Variants in BBS9 observed in about 807,000 individuals in gnomAD.
The protein encoded by BBS9 is protein PTHB1.
A neutral mutation model predicts 117.7 loss-of-function variants in BBS9; 89 were observed. The observed-to-expected ratio is 0.76, with a 90% CI of 0.64 to 0.90. The LOEUF is 0.90. BBS9 is among the 40% of genes least tolerant of loss of function. BBS9 has a pLI of 0.00. For synonymous variants in BBS9, 379 were observed against 370.9 expected, an observed-to-expected ratio of 1.02 and a Z score of -0.25; for missense variants, 982 against 1,042.2, an observed-to-expected ratio of 0.94 and a Z score of 0.80.
At chr7:33,241,021 C>T (rs112195562) in intron 5 of BBS9, among the ~76,000 whole-genome samples, 7 of 151,898 alleles carry the variant, frequency 4.6e-5, no homozygotes, top group Non-Finnish European at 7.4e-5. Flanking sequence ...ACAACCATTA[C>T]GAGGGAAAAG....
intron 9 of BBS9, among the ~76,000 whole-genome samples, chr7:33,286,715 C>T (rs555507636): frequency 3.0e-4 from 45 of 152,118 alleles, no homozygotes; most frequent in African/African-American, 7.9e-4. Context: ...AGTTTATATG[C>T]GGCTAAGCTC....
intron 5 of BBS9, among the ~76,000 whole-genome samples, chr7:33,181,186 A>C (rs1002911294): frequency 3.9e-5 from 6 of 152,164 alleles, no homozygotes; most frequent in African/African-American, 1.4e-4. Context: ...CCCCCAGGGG[A>C]GCTGCCAGAG....
chr7:33,174,704 G>A (rs1797074680), intron 4 of BBS9, among the ~76,000 whole-genome samples: 2 of 152,226 alleles, frequency 1.3e-5, no homozygotes, highest in Admixed American at 1.3e-4. Flanking sequence ...CTTAAAATAT[G>A]TAAGGAGGCA....
intron 9 of BBS9, among the ~76,000 whole-genome samples, chr7:33,313,722 C>A (rs994432760): frequency 6.6e-6 from 1 of 152,144 alleles, no homozygotes; most frequent in African/African-American, 2.4e-5. Context: ...TTTTACTTGT[C>A]CTTTTCTTGG....
chr7:33,635,747 A>G (rs866258971), downstream of BBS9, among the ~76,000 whole-genome samples: 1 of 152,228 alleles, frequency 6.6e-6, no homozygotes, highest in African/African-American at 2.4e-5. Context: ...AATAAGTAGG[A>G]AATTAAATTC....
intron 9 of BBS9, among the ~76,000 whole-genome samples, chr7:33,290,818 G>A (rs1446376049): frequency 6.6e-6 from 1 of 152,148 alleles, no homozygotes; most frequent in African/African-American, 2.4e-5. Context: ...TTTTAAGTAA[G>A]GAGTATGGTT....
chr7:33,295,753 A>G (rs1327159686), intron 9 of BBS9, among the ~76,000 whole-genome samples: 1 of 152,052 alleles, frequency 6.6e-6, no homozygotes, highest in Non-Finnish European at 1.5e-5. Context: ...TGATTTAATT[A>G]CTATACTGAC....
chr7:33,365,987 A>G (rs1294122376), intron 16 of BBS9, among the ~76,000 whole-genome samples: 1 of 152,142 alleles, frequency 6.6e-6, no homozygotes, highest in Non-Finnish European at 1.5e-5. Flanking sequence ...TGAGACATGG[A>G]TGGGCATAGT....
rs1287472960 is a variant in BBS9, at chr7:33,559,148, T to C, written c.2521+24972T>C. 2.0e-5 allele frequency among the ~76,000 whole-genome samples: 3 copies of C among 152,306 alleles called. No homozygotes were observed. In the East Asian group the frequency reaches 5.8e-4, roughly 29 times the overall value. ...GTGAAAATGATCATCAGCAAGAGAA[T>C]TGTCCCCAGTGGCCACACTTATCTT... On this transcript the variant is annotated intron_variant, in intron 21 of 22. Transcript: ENST00000242067.
chr7:33,202,033 G>A (rs1785967442), intron 5 of BBS9, among the ~76,000 whole-genome samples: 1 of 152,156 alleles, frequency 6.6e-6, no homozygotes, highest in Non-Finnish European at 1.5e-5. Context: ...GGGACCCAGT[G>A]AATGTTCAGA....
intron 19 of BBS9, among the ~76,000 whole-genome samples, chr7:33,497,071 A>G (rs912771671): frequency 1.3e-5 from 2 of 152,172 alleles, no homozygotes; most frequent in Admixed American, 6.5e-5. Flanking sequence ...TCTCTCCTAG[A>G]CTGAGAGTGC....
At chr7:33,326,562 C>T (rs921779447) in intron 9 of BBS9, among the ~76,000 whole-genome samples, 1 of 152,040 alleles carries the variant, frequency 6.6e-6, no homozygotes, top group Non-Finnish European at 1.5e-5. Flanking sequence ...TGAGTCTCCC[C>T]CATGGCCTTT....
chr7:33,137,239 C>T (rs1456843036), intron 1 of BBS9, among the ~76,000 whole-genome samples: 4 of 152,154 alleles, frequency 2.6e-5, no homozygotes, highest in Admixed American at 2.0e-4. Flanking sequence ...AACTTTGGTT[C>T]GAAATTGGAG....
At chr7:33,139,193 G>A (rs908915872) in intron 1 of BBS9, among the ~76,000 whole-genome samples, 5 of 151,110 alleles carry the variant, frequency 3.3e-5, no homozygotes, top group East Asian at 2.2e-4. Flanking sequence ...TGGAGGTTGC[G>A]GTGAGCTGAG....
At chr7:33,449,472 C>T (rs940858002) in intron 19 of BBS9, among the ~76,000 whole-genome samples, 10 of 152,140 alleles carry the variant, frequency 6.6e-5, no homozygotes, top group African/African-American at 1.4e-4. Flanking sequence ...ATAGTTCTTA[C>T]GGCCCGGAGC....
rs185938215 is a variant in BBS9 at position 33,266,051 on chromosome 7, C to G, written c.702+1677C>G. ...CAGCCATATAGGGCCTCTCATTGTT[C>G]CAAATATTCCATGGCTCTTCTTCAT... On this transcript the variant is annotated intron_variant, in intron 7 of 22. Transcript: ENST00000242067. 1.8e-4 allele frequency among the ~76,000 whole-genome samples: 27 copies of G among 152,156 alleles called. No homozygotes were observed. In the East Asian group the frequency reaches 2.7e-3, roughly 15 times the overall value.
chr7:33,368,112 G>GAT (rs1264203639), intron 17 of BBS9, among the ~76,000 whole-genome samples: 1 of 152,004 alleles, frequency 6.6e-6, no homozygotes, highest in African/African-American at 2.4e-5. Flanking sequence ...ATATGTAACT[G>GAT]ATATATTCAC....
chr7:33,150,775 A>G (rs993535712), intron 2 of BBS9, among the ~76,000 whole-genome samples: 2 of 152,200 alleles, frequency 1.3e-5, no homozygotes. Context: ...GTCACAGCCT[A>G]TGATGTATGC....
intron 9 of BBS9, among the ~76,000 whole-genome samples, chr7:33,282,187 A>C (rs1043220398): frequency 1.3e-5 from 2 of 152,180 alleles, no homozygotes; most frequent in African/African-American, 4.8e-5. Context: ...ATAGAACTGC[A>C]TTTTTAAAAA....
Sources: gnomAD v4.1 joint callset for allele counts (sites outside exome capture counted in the v4.1 genomes callset) on GRCh38, gnomAD v4.1.1 for gene constraint, MANE v1.5 for transcripts, NCBI Gene and HGNC (gene_info 2026-07-23, HGNC 2026-07-21) for gene names.